The following SNX4 variants were observed in gnomAD, a reference collection of about 807,000 sequenced individuals.
The protein encoded by SNX4 is sorting nexin-4.
Under a neutral mutation model 70.8 loss-of-function variants are expected in SNX4, and 49 were observed. The ratio of observed to expected loss-of-function variants is 0.69; its 90% CI spans 0.55 to 0.88. The LOEUF (loss-of-function observed/expected upper bound fraction) is 0.88. Among genes scored for constraint, SNX4 ranks in the 40% least tolerant of loss-of-function variants. The pLI is 0.00. For missense variants in SNX4, 528 were observed against 544.8 expected, an observed-to-expected ratio of 0.97 and a Z score of 0.31; for synonymous variants, 206 against 183.8, an observed-to-expected ratio of 1.12 and a Z score of -0.98.
At chr3:125,450,398 C>T (rs1233173564) in intron 13 of SNX4, among the ~76,000 whole-genome samples, 1 of 152,054 alleles carries the variant, frequency 6.6e-6, no homozygotes, top group Non-Finnish European at 1.5e-5. Context: ...TCAGTGATGG[C>T]CCACAGCCAA....
chr3:125,449,574 C>T (rs1022001082), intron 13 of SNX4, among the ~76,000 whole-genome samples: 5 of 152,078 alleles, frequency 3.3e-5, no homozygotes, highest in South Asian at 2.1e-4. Flanking sequence ...GAAAACAAAA[C>T]GACAAAATTG....
intron 1 of SNX4, among the ~76,000 whole-genome samples, chr3:125,507,958 A>G (rs1275721867): frequency 6.6e-6 from 1 of 152,178 alleles, no homozygotes; most frequent in Non-Finnish European, 1.5e-5. Context: ...AATTATAAAA[A>G]TAAGTCCATT....
chr3:125,450,197 A>C (rs1559807149), intron 13 of SNX4, among the ~76,000 whole-genome samples: 1 of 152,234 alleles, frequency 6.6e-6, no homozygotes, highest in Non-Finnish European at 1.5e-5. Flanking sequence ...ACCAAACTAC[A>C]ACATACTCAA....
chr3:125,448,335 A>G (rs921523495), intron 13 of SNX4, among the ~76,000 whole-genome samples: 5 of 146,716 alleles, frequency 3.4e-5, no homozygotes, highest in African/African-American at 1.3e-4. Flanking sequence ...GAATCTCACT[A>G]TGTTACCCAG....
intron 5 of SNX4, among the ~76,000 whole-genome samples, chr3:125,492,416 G>A (rs1332751066): frequency 2.6e-5 from 4 of 151,676 alleles, no homozygotes; most frequent in Non-Finnish European, 5.9e-5. Context: ...TATAACTGTT[G>A]TCCTAATCTT....
chr3:125,516,984 G>C (rs944923244), intron 1 of SNX4: 4 of 141,302 alleles, frequency 2.8e-5, no homozygotes, highest in Non-Finnish European at 4.6e-5. Context: ...ACTTAGGCTG[G>C]TCTGAAGATA....
chr3:125,456,672 T>C (rs1018038961), intron 11 of SNX4, among the ~76,000 whole-genome samples: 2 of 152,030 alleles, frequency 1.3e-5, no homozygotes, highest in Admixed American at 1.3e-4. Flanking sequence ...ATAAAAACAA[T>C]TTTTTTGAGA....
At chr3:125,511,307 A>ATCTC (rs10624343) in intron 1 of SNX4, among the ~76,000 whole-genome samples, 76,499 of 151,736 alleles carry the variant, frequency 0.5, 19,974 homozygotes, top group African/African-American at 0.65. Flanking sequence ...CCAAAATCGA[A>ATCTC]TCTCTCTCTC....
chr3:125,501,297 C>T (rs906894517), intron 2 of SNX4, among the ~76,000 whole-genome samples: 2 of 140,104 alleles, frequency 1.4e-5, no homozygotes, highest in Non-Finnish European at 3.0e-5. Flanking sequence ...AATGGAAAGC[C>T]TTTGTAGTTT....
intron 9 of SNX4, among the ~76,000 whole-genome samples, chr3:125,468,183 G>A (rs748853664): frequency 6.6e-6 from 1 of 152,200 alleles, no homozygotes; most frequent in East Asian, 1.9e-4. Flanking sequence ...ATAAGTGGGA[G>A]TTAAACATTC....
intron 6 of SNX4, 86 bp downstream of exon 6, chr3:125,489,322 G>A (rs958720377): frequency 1.5e-5 from 15 of 969,004 alleles, no homozygotes; most frequent in Non-Finnish European, 2.1e-5. Context: ...AGCAAATAAA[G>A]TGCATACATT....
intron 7 of SNX4, among the ~76,000 whole-genome samples, chr3:125,479,673 C>T (rs1934362644): frequency 6.6e-6 from 1 of 152,162 alleles, no homozygotes; most frequent in Non-Finnish European, 1.5e-5. Flanking sequence ...CAGGCATGTT[C>T]TAAGGTTCCT....
chr3:125,498,604 C>A (rs181059894), intron 2 of SNX4, among the ~76,000 whole-genome samples: 2 of 152,332 alleles, frequency 1.3e-5, no homozygotes, highest in Non-Finnish European at 1.5e-5. Context: ...ATCCTTATGA[C>A]AACCCTGTGA....
At chr3:125,457,631 G>A (rs529079816) in intron 10 of SNX4, among the ~76,000 whole-genome samples, 59 of 141,892 alleles carry the variant, frequency 4.2e-4, no homozygotes, top group African/African-American at 1.5e-3. Context: ...AGGCTGGAGT[G>A]CAATGGCGCG....
chr3:125,489,591 T>C (rs1934606066), intron 5 of SNX4, 128 bp from the exon 6 acceptor site: 3 of 699,048 alleles, frequency 4.3e-6, no homozygotes, highest in Middle Eastern at 3.8e-4. Context: ...TGTAAACACA[T>C]TAAACATGCC....
chr3:125,475,813 C>CA (rs1018249269), intron 8 of SNX4, among the ~76,000 whole-genome samples: 4 of 151,874 alleles, frequency 2.6e-5, no homozygotes, highest in African/African-American at 9.7e-5. Context: ...CCCATCTCTG[C>CA]AAAAAAATAC....
At chr3:125,476,358 G>A (rs544512785) in intron 8 of SNX4, among the ~76,000 whole-genome samples, 1 of 150,918 alleles carries the variant, frequency 6.6e-6, no homozygotes, top group Non-Finnish European at 1.5e-5. Flanking sequence ...GATCACTTGA[G>A]GTCAGGAGTT....
intron 7 of SNX4, among the ~76,000 whole-genome samples, chr3:125,478,443 C>A (rs900630312): frequency 2.3e-4 from 35 of 149,928 alleles, no homozygotes; most frequent in African/African-American, 8.4e-4. Flanking sequence ...GTGGTTCCAT[C>A]ATCAAGTAAG....
At chr3:125,518,763 G>A (rs1367334773) in intron 1 of SNX4, among the ~76,000 whole-genome samples, 2 of 152,016 alleles carry the variant, frequency 1.3e-5, no homozygotes, top group African/African-American at 4.8e-5. Context: ...AGCACCTTGG[G>A]AGGCCGAGGA....
Sources: allele counts gnomAD v4.1 joint callset (sites outside exome capture counted in the v4.1 genomes callset), GRCh38; gene constraint gnomAD v4.1.1; transcripts MANE v1.5; gene names NCBI Gene and HGNC (gene_info 2026-07-23, HGNC 2026-07-21).